The following MYO10 variants were observed in gnomAD, a reference collection of about 807,000 sequenced individuals.
The protein encoded by MYO10 is unconventional myosin-X.
MYO10 carries 133 observed loss-of-function variants against 257.3 expected under a neutral mutation model. The ratio of observed to expected loss-of-function variants is 0.52; its 90% CI spans 0.45 to 0.60. The LOEUF (loss-of-function observed/expected upper bound fraction) is 0.60. MYO10 is among the 20% of genes least tolerant of loss of function. The pLI is 0.00. For missense variants in MYO10, 2,399 were observed against 2,635.7 expected (o/e 0.91, Z 1.97); for synonymous variants, 1,104 against 1,028.6 (o/e 1.07, Z -1.40).
At chr5:16,753,466 C>CTTT (rs143614063) in intron 19 of MYO10, among the ~76,000 whole-genome samples, 44 of 83,166 alleles carry the variant, frequency 5.3e-4, no homozygotes, top group African/African-American at 1.8e-3. Flanking sequence ...CGTGCCCGGC[C>CTTT]TTTTTTTTTT....
chr5:16,855,485 T>C (rs1257634943), intron 2 of MYO10, among the ~76,000 whole-genome samples: 1 of 152,216 alleles, frequency 6.6e-6, no homozygotes. Flanking sequence ...AGATGTTAAT[T>C]ATAAATACAT....
intron 1 of MYO10, among the ~76,000 whole-genome samples, chr5:16,919,939 C>T (rs193140353): frequency 6.6e-6 from 1 of 152,106 alleles, no homozygotes; most frequent in African/African-American, 2.4e-5. Context: ...GGTGAAACCC[C>T]GTCTCTACTA....
At chr5:16,709,173 A>G (rs533827484) in intron 21 of MYO10, among the ~76,000 whole-genome samples, 52 of 152,268 alleles carry the variant, frequency 3.4e-4, no homozygotes, top group African/African-American at 1.2e-3. Flanking sequence ...TACCCCAGCT[A>G]TAGGGTGCAC....
At chr5:16,886,966 A>C (rs1483841574) in intron 1 of MYO10, among the ~76,000 whole-genome samples, 1 of 151,984 alleles carries the variant, frequency 6.6e-6, no homozygotes, top group Non-Finnish European at 1.5e-5. Context: ...AAAAACAAAA[A>C]AACACTATTG....
intron 1 of MYO10, among the ~76,000 whole-genome samples, chr5:16,905,450 A>G (rs1745495163): frequency 6.6e-6 from 1 of 152,042 alleles, no homozygotes; most frequent in Non-Finnish European, 1.5e-5. Flanking sequence ...AACAAAAGGA[A>G]TATTCTCCCA....
chr5:16,673,996 C>T (rs998620035), intron 35 of MYO10, 107 bp from the exon 36 acceptor site: 1 of 933,034 alleles, frequency 1.1e-6, no homozygotes, highest in African/African-American at 1.6e-5. Flanking sequence ...AATGGTCCCC[C>T]ACTGGTGAAT....
chr5:16,756,312 C>T (rs746023908), intron 18 of MYO10, among the ~76,000 whole-genome samples: 2 of 152,140 alleles, frequency 1.3e-5, no homozygotes, highest in Non-Finnish European at 2.9e-5. Context: ...GCAATCTTTC[C>T]ACCTAGGCCT....
rs1481433081 is a variant in MYO10, at chr5:16,671,500, G to C, written c.5352C>G (p.Phe1784Leu). 18 of 1,613,966 alleles carry C rather than the reference G, an allele frequency of 1.1e-5. No homozygotes were observed. The highest frequency in any genetic ancestry group is 2.2e-5 in the East Asian group (1 of 44,878). Residue 1784 changes from phenylalanine (F) to leucine (L), a missense_variant, in exon 38 of 41, where the codon TTC becomes TTG. Phe to Leu is a conservative substitution (Grantham distance 22). This residue lies in a region of MYO10 where 1,820 missense variants were observed against 1,939.4 expected (regional missense o/e 0.94). Coordinates refer to ENST00000513610, the MANE Select transcript of MYO10 (RefSeq NM_012334.3). ...CCAGGAAGCAGTAAAGTTTGAAGTA[G>C]AATTTCCATGGCAGGTCCCCAACCT... ...TSEVGDLPWK[F>L]YFKLYCFLDT...
At chr5:16,682,271 C>T (rs139266887) in intron 30 of MYO10, among the ~76,000 whole-genome samples, 2 of 152,186 alleles carry the variant, frequency 1.3e-5, no homozygotes, top group Non-Finnish European at 2.9e-5. Flanking sequence ...GCAAAACTTT[C>T]CAGATGAAAC....
chr5:16,674,824 A>G (rs745321448), intron 35 of MYO10, 29 bp downstream of exon 35: 3 of 1,612,414 alleles, frequency 1.9e-6, no homozygotes, highest in Non-Finnish European at 2.5e-6. Context: ...AGCTCTGCCC[A>G]GCTCATCTCC....
intron 1 of MYO10, among the ~76,000 whole-genome samples, chr5:16,889,451 AGAAG>A (rs1367234800): frequency 6.6e-6 from 1 of 150,746 alleles, no homozygotes; most frequent in Non-Finnish European, 1.5e-5. Context: ...AGGAAAGGAA[AGAAG>A]GAAGGGGAAG....
At chr5:16,927,706 G>A (rs763359992) in intron 1 of MYO10, among the ~76,000 whole-genome samples, 34 of 152,180 alleles carry the variant, frequency 2.2e-4, no homozygotes, top group Non-Finnish European at 4.0e-4. Flanking sequence ...CTGGGTGAAG[G>A]TAGAGCTATT....
intron 32 of MYO10, among the ~76,000 whole-genome samples, chr5:16,680,866 G>A (rs371800953): frequency 3.3e-5 from 5 of 152,206 alleles, no homozygotes; most frequent in South Asian, 4.1e-4. Context: ...GTGATGGTGC[G>A]TGCCTGTAGT....
At chr5:16,775,208 T>C (rs1180994653) in intron 9 of MYO10, among the ~76,000 whole-genome samples, 1 of 152,144 alleles carries the variant, frequency 6.6e-6, no homozygotes, top group African/African-American at 2.4e-5. Context: ...GTATAAGAAA[T>C]GCCTATGAAA....
intron 30 of MYO10, among the ~76,000 whole-genome samples, chr5:16,682,641 T>C (rs1737059391): frequency 6.6e-6 from 1 of 152,152 alleles, no homozygotes; most frequent in Non-Finnish European, 1.5e-5. Flanking sequence ...CTCCTCTATC[T>C]AACGGCTTAA....
chr5:16,934,023 A>G (rs1187628373), intron 1 of MYO10, among the ~76,000 whole-genome samples: 1 of 152,254 alleles, frequency 6.6e-6, no homozygotes, highest in Non-Finnish European at 1.5e-5. Flanking sequence ...TCTGTCTACA[A>G]AATGAAGAGG....
chr5:16,702,111 C>T (rs934395679), intron 24 of MYO10, among the ~76,000 whole-genome samples: 1 of 152,164 alleles, frequency 6.6e-6, no homozygotes, highest in Non-Finnish European at 1.5e-5. Context: ...CTAGGTCACA[C>T]AGAGAAAAAA....
At chr5:16,718,592 C>CA (rs1484099095) in intron 19 of MYO10, among the ~76,000 whole-genome samples, 1 of 150,482 alleles carries the variant, frequency 6.6e-6, no homozygotes, top group African/African-American at 2.5e-5. Flanking sequence ...GTAAACACAC[C>CA]AATCGGCACT....
intron 2 of MYO10, among the ~76,000 whole-genome samples, chr5:16,857,047 T>C (rs1020800428): frequency 6.6e-6 from 1 of 152,252 alleles, no homozygotes; most frequent in African/African-American, 2.4e-5. Flanking sequence ...ATAGGCATTA[T>C]ATGTGTCAAT....
Sources: allele counts gnomAD v4.1 joint callset (sites outside exome capture counted in the v4.1 genomes callset), GRCh38; gene constraint gnomAD v4.1.1; regional missense constraint gnomAD v4.1.1; transcripts MANE v1.5; gene names NCBI Gene and HGNC (gene_info 2026-07-23, HGNC 2026-07-21).